Variants in LIN54 observed in about 807,000 individuals in gnomAD.
LIN54 encodes the protein protein lin-54 homolog.
Under a neutral mutation model 78.7 loss-of-function variants are expected in LIN54, and 9 were observed. The observed-to-expected ratio is 0.11, with a 90% CI of 0.07 to 0.20. The LOEUF (loss-of-function observed/expected upper bound fraction) is 0.20. Among genes scored for constraint, LIN54 ranks in the 10% least tolerant of loss-of-function variants. The pLI is 1.00. For missense variants in LIN54, 573 were observed against 889.9 expected (o/e 0.64, Z 4.53); for synonymous variants, 269 against 318.4 (o/e 0.84, Z 1.65).
intron 5 of LIN54, among the ~76,000 whole-genome samples, chr4:82,942,888 A>ACCCTCCCT (rs1198051105): frequency 7.1e-6 from 1 of 141,154 alleles, no homozygotes; most frequent in Non-Finnish European, 1.6e-5. Flanking sequence ...ACACACACAC[A>ACCCTCCCT]CACACCCTCC....
chr4:83,011,251 T>C (rs551337432), upstream of LIN54, among the ~76,000 whole-genome samples: 7 of 152,198 alleles, frequency 4.6e-5, no homozygotes, highest in Non-Finnish European at 1.0e-4. Context: ...GCAGAACTAC[T>C]TTGACAGGAT....
In LIN54 at chr4:82,984,314, C is replaced by T. The variant is rs751186212; in HGVS notation, c.531G>A (p.Lys177=). Residue 177 remains lysine, a synonymous_variant, in exon 2 of 13, where the codon AAG becomes AAA. Transcript: ENST00000340417. ...VTTQAQSGDA[K]LPPQQIKVVT... is the part of the protein sequence containing the mutation. ...CTACTTTAATTTGCTGCGGTGGTAACTTAGCATCTCCTGACTGGGCCTGAG... is the reference window on the plus strand; with the variant it reads ...CTACTTTAATTTGCTGCGGTGGTAATTTAGCATCTCCTGACTGGGCCTGAG... 7 of 1,614,126 alleles carry T rather than the reference C, an allele frequency of 4.3e-6. No individual in the cohort carries two copies. In the South Asian group the frequency reaches 6.6e-5, roughly 15 times the overall value.
chr4:82,934,713 AAACT>A (rs1399533814), intron 11 of LIN54, among the ~76,000 whole-genome samples: 4 of 152,204 alleles, frequency 2.6e-5, no homozygotes, highest in Admixed American at 2.0e-4. Context: ...ATAAATAAAT[AAACT>A]AATTAATTAA....
At chr4:82,991,821 T>C (rs1478154281) in intron 1 of LIN54, among the ~76,000 whole-genome samples, 2 of 152,222 alleles carry the variant, frequency 1.3e-5, no homozygotes, top group Admixed American at 6.5e-5. Flanking sequence ...ATTCCTGATA[T>C]GAACCCCACT....
upstream of LIN54, chr4:83,012,092 A>G (rs1729885720): frequency 1.0e-6 from 1 of 957,662 alleles, no homozygotes; most frequent in African/African-American, 1.8e-5. Context: ...CACCCACCCC[A>G]ATTGCTGTTT....
At chr4:82,947,235 A>ATATATATATATATATATATATATTT in intron 4 of LIN54, among the ~76,000 whole-genome samples, 1 of 44,290 alleles carries the variant, frequency 2.3e-5, no homozygotes, top group African/African-American at 1.0e-4. Flanking sequence ...ATATATATAT[A>ATATATATATATATATATATATATTT]TTTTTTTTTT....
At position 82,939,650 on chromosome 4, in the gene LIN54, C is replaced by T. The variant is rs148712372; in HGVS notation, c.1329G>A (p.Leu443=). The T allele has an allele frequency of 3.2e-4, 512 of 1,614,080 alleles. No individual in the cohort carries two copies. The highest frequency in any genetic ancestry group is 3.9e-4 in the Non-Finnish European group (465 of 1,179,942). Residue 443 remains leucine, a synonymous_variant, in exon 7 of 13, where the codon CTG becomes CTA. Transcript: ENST00000340417. The stretch of plus-strand genomic sequence containing the variant: ...TAGTGAGGTTGGGCTGGATCTGTGG[C>T]AGTGGTGTGGCAGGCATGATAAGCC... ...QQRLIMPATP[L]PQIQPNLTNL...
At chr4:82,938,900 A>C (rs932465508) in intron 7 of LIN54, among the ~76,000 whole-genome samples, 6 of 152,256 alleles carry the variant, frequency 3.9e-5, no homozygotes, top group African/African-American at 1.4e-4. Flanking sequence ...AGAGAATGAG[A>C]AGTTACATGC....
chr4:83,004,955 C>T (rs572089139), intron 1 of LIN54, among the ~76,000 whole-genome samples: 43 of 152,242 alleles, frequency 2.8e-4, no homozygotes, highest in African/African-American at 9.1e-4. Context: ...AGTGCAGTGG[C>T]GCGATCTCAG....
At chr4:82,966,922 CT>C (rs568200541) in intron 4 of LIN54, among the ~76,000 whole-genome samples, 26 of 151,100 alleles carry the variant, frequency 1.7e-4, no homozygotes, top group Admixed American at 7.9e-4. Context: ...ACATCTGAAT[CT>C]TTTTTGGCTA....
chr4:82,988,020 C>T (rs145786541), intron 1 of LIN54, among the ~76,000 whole-genome samples: 1 of 152,320 alleles, frequency 6.6e-6, no homozygotes, highest in Non-Finnish European at 1.5e-5. Flanking sequence ...ATTCCTATTT[C>T]TCCACAGCCT....
Position 82,928,007 on chromosome 4 carries a change from T to C in LIN54, c.*95A>G, listed in dbSNP as rs1001825459. On this transcript the variant is annotated 3_prime_UTR_variant, in exon 13 of 13. Coordinates refer to ENST00000340417, the MANE Select transcript of LIN54 (RefSeq NM_194282.4). Reference sequence around the variant, plus strand: ...CAGGTCTTTTAAAACAAGGACTGAATTAAAATACAGTAATTGTTTTTCTTC... The same window carrying C: ...CAGGTCTTTTAAAACAAGGACTGAACTAAAATACAGTAATTGTTTTTCTTC... The C allele has an allele frequency of 9.7e-7, 1 of 1,034,606 alleles. No individual in the cohort carries two copies. The highest frequency in any genetic ancestry group is 1.6e-5 in the African/African-American group (1 of 63,246). 64.1% of individuals were successfully genotyped at this position (1,034,606 alleles called of 1,614,324 possible).
intron 4 of LIN54, among the ~76,000 whole-genome samples, chr4:82,951,794 T>C (rs1383188629): frequency 1.3e-5 from 2 of 151,554 alleles, no homozygotes; most frequent in African/African-American, 2.4e-5. Context: ...TAGAACAGAA[T>C]AGAGAGCCCT....
At position 82,925,265 on chromosome 4, in the gene LIN54, A is replaced by C. The variant is rs1474280024; in HGVS notation, c.*2837T>G. The C allele has an allele frequency of 2.0e-5, 3 of 152,238 alleles. No homozygotes were observed. The highest frequency in any genetic ancestry group is 4.4e-5 in the Non-Finnish European group (3 of 68,038). 9.4% of individuals were successfully genotyped at this position (152,238 alleles called of 1,614,324 possible). A position where few individuals can be genotyped will look rare whatever the true frequency, so the allele number is the denominator to read the frequency against. ...CACTCTGATTGCCAGGCTGGAGTGC[A>C]GTGGTGTAATTTTGACTCACTACAG... On this transcript the variant is annotated 3_prime_UTR_variant, in exon 13 of 13. Coordinates refer to ENST00000340417, the MANE Select transcript of LIN54 (RefSeq NM_194282.4).
chr4:82,988,591 A>G (rs1219504941), intron 1 of LIN54, among the ~76,000 whole-genome samples: 1 of 152,192 alleles, frequency 6.6e-6, no homozygotes, highest in Admixed American at 6.5e-5. Flanking sequence ...TCACATGGTA[A>G]GTTTATTTTT....
Position 82,928,009 on chromosome 4 carries a change from A to T in LIN54, c.*93T>A. The T allele has an allele frequency of 9.7e-7, 1 of 1,035,608 alleles. No homozygotes were observed. The highest frequency in any genetic ancestry group is 1.5e-6 in the Non-Finnish European group (1 of 673,680). The allele number at this position is 1,035,608 out of a possible 1,614,324, so 64.2% of individuals were successfully genotyped here. Reference sequence around the variant, plus strand: ...GGTCTTTTAAAACAAGGACTGAATTAAAATACAGTAATTGTTTTTCTTCCA... The same window carrying T: ...GGTCTTTTAAAACAAGGACTGAATTTAAATACAGTAATTGTTTTTCTTCCA... On this transcript the variant is annotated 3_prime_UTR_variant, in exon 13 of 13. Transcript: ENST00000340417.
chr4:82,987,067 G>A lies in LIN54; in HGVS notation c.-32-2191C>T, dbSNP rs187415679. 4.3e-3 allele frequency among the ~76,000 whole-genome samples: 660 copies of A among 152,282 alleles called. 4 individuals are homozygous for A. The highest frequency in any genetic ancestry group is 0.015 in the African/African-American group (616 of 41,556). On this transcript the variant is annotated intron_variant, in intron 1 of 12. Coordinates refer to ENST00000340417, the MANE Select transcript of LIN54 (RefSeq NM_194282.4). ...GCACTTTGGGAGGCCGAGGTGGGCA[G>A]ATCACCTGAGGTCAGGTGTTCGAGA...
At chr4:82,974,195 G>A (rs1480552401) in intron 3 of LIN54, among the ~76,000 whole-genome samples, 2 of 150,928 alleles carry the variant, frequency 1.3e-5, no homozygotes, top group African/African-American at 4.9e-5. Flanking sequence ...GGGTGACAGA[G>A]CAAAACTCCC....
intron 1 of LIN54, among the ~76,000 whole-genome samples, chr4:82,997,058 G>A (rs1453596177): frequency 6.6e-6 from 1 of 151,920 alleles, no homozygotes; most frequent in Non-Finnish European, 1.5e-5. Flanking sequence ...GCCACACAAA[G>A]ACAGGAACAT....
Sources: allele counts gnomAD v4.1 joint callset (sites outside exome capture counted in the v4.1 genomes callset), GRCh38; gene constraint gnomAD v4.1.1; transcripts MANE v1.5; gene names NCBI Gene and HGNC (gene_info 2026-07-23, HGNC 2026-07-21).